CCDC180: variants seen among roughly 807,000 people sequenced by gnomAD.
CCDC180 encodes coiled-coil domain containing 180.
Under a neutral mutation model 209.2 loss-of-function variants are expected in CCDC180, and 154 were observed. That is an observed-to-expected ratio of 0.74 (90% confidence interval 0.65 to 0.84). CCDC180 has a LOEUF of 0.84. Ranked by LOEUF, CCDC180 falls within the 40% of genes least tolerant of loss-of-function variation. The pLI is 0.00. For synonymous variants in CCDC180, 778 were observed against 749.1 expected (o/e 1.04, Z -0.63); for missense variants, 1,874 against 1,997.3 (o/e 0.94, Z 1.18).
chr9:97,307,351 C>G (rs758863050), upstream of CCDC180: 1 of 483,804 alleles, frequency 2.1e-6, no homozygotes, highest in South Asian at 1.6e-5. Flanking sequence ...GTCGCTGGAC[C>G]GGCCCTGGCT....
chr9:97,370,456 C>G (rs1031841232), intron 32 of CCDC180, among the ~76,000 whole-genome samples, 185 bp from the exon 33 acceptor site: 1 of 152,020 alleles, frequency 6.6e-6, no homozygotes, highest in African/African-American at 2.4e-5. Context: ...CTCTTCCAAA[C>G]CCCCGAGTCA....
At chr9:97,342,832 G>A (rs1445214247) in intron 18 of CCDC180, among the ~76,000 whole-genome samples, 6 of 152,216 alleles carry the variant, frequency 3.9e-5, no homozygotes, top group Non-Finnish European at 7.3e-5. Context: ...GTGCAGGGAA[G>A]TAACTCTCAT....
intron 18 of CCDC180, among the ~76,000 whole-genome samples, chr9:97,341,807 T>C (rs1587812543): frequency 6.6e-6 from 1 of 152,204 alleles, no homozygotes; most frequent in Non-Finnish European, 1.5e-5. Context: ...CAGAGGCAGG[T>C]GGGCCTCGTT....
intron 34 of CCDC180, chr9:97,373,694 A>C (rs1028107969): frequency 2.0e-5 from 3 of 152,240 alleles, no homozygotes; most frequent in African/African-American, 7.2e-5. Flanking sequence ...CACTCCTGTA[A>C]TTGTGCTGAA....
intron 25 of CCDC180, among the ~76,000 whole-genome samples, chr9:97,359,724 A>C (rs4743083): frequency 0.21 from 32,100 of 151,942 alleles, 3,650 homozygotes; most frequent in East Asian, 0.39. Context: ...CAGAGTTGAA[A>C]CTGTAGATCC....
rs961145072 is a variant in CCDC180, at chr9:97,362,511, A to G, written c.3902+70A>G. 7 of 1,557,168 alleles carry G rather than the reference A, an allele frequency of 4.5e-6. No individual in the cohort carries two copies. In the African/African-American group the frequency reaches 9.5e-5, roughly 21 times the overall value. ...CCCACACAAAGGCAGGAGATGACCT[A>G]TGGCTTTCCCAGGCTTTTCCTCAGA... On this transcript the variant is annotated intron_variant, in intron 28 of 36. Coordinates refer to ENST00000529487, the MANE Select transcript of CCDC180 (RefSeq NM_020893.6).
chr9:97,336,244 A>G (rs1283482524), intron 18 of CCDC180, among the ~76,000 whole-genome samples: 3 of 152,210 alleles, frequency 2.0e-5, no homozygotes, highest in Admixed American at 1.3e-4. Context: ...GCCCATGCCT[A>G]TGTCCTGAAT....
Position 97,349,107 on chromosome 9 carries a change from TCAGCCGAGC to T in CCDC180, c.2675-3_2680del. ...GGGCCCCAGCTCTCTTAATCCTTTT[TCAGCCGAGC>T]TTTTGCTTCATCAAGAGCAGTTGGA... is the stretch of plus-strand genomic sequence containing the variant. On this transcript the variant is annotated splice_acceptor_variant and splice_polypyrimidine_tract_variant and coding_sequence_variant and intron_variant, in exon 21 of 37. Coordinates refer to ENST00000529487, the MANE Select transcript of CCDC180 (RefSeq NM_020893.6). LOFTEE classifies it high-confidence loss of function. 1 of 1,534,986 alleles carries T rather than the reference TCAGCCGAGC, an allele frequency of 6.5e-7. No homozygotes were observed. Among genetic ancestry groups the T allele is most frequent in the African/African-American group, 1.4e-5 (1 of 73,078 alleles).
chr9:97,344,547 C>T (rs1826192043), intron 19 of CCDC180, among the ~76,000 whole-genome samples: 3 of 152,152 alleles, frequency 2.0e-5, no homozygotes, highest in Admixed American at 2.0e-4. Context: ...AGTTACCATA[C>T]TTAACTCCAT....
chr9:97,351,207 G>A (rs934622678), intron 22 of CCDC180, among the ~76,000 whole-genome samples: 1 of 152,178 alleles, frequency 6.6e-6, no homozygotes, highest in Admixed American at 6.5e-5. Context: ...GTAATTCTAT[G>A]TTTAACTTTG....
intron 18 of CCDC180, among the ~76,000 whole-genome samples, chr9:97,333,432 A>G (rs1438061458): frequency 2.6e-5 from 4 of 151,378 alleles, no homozygotes; most frequent in Non-Finnish European, 4.4e-5. Context: ...GAATAGTTTC[A>G]GCAGAAGTGA....
At chr9:97,343,272 A>G in intron 18 of CCDC180, 68 bp from the exon 19 acceptor site, 1 of 1,059,444 alleles carries the variant, frequency 9.4e-7, no homozygotes, top group Admixed American at 2.0e-5. Flanking sequence ...ATATCAAGGA[A>G]CCTGTGGTTG....
intron 2 of CCDC180, 137 bp downstream of exon 2, chr9:97,308,269 T>C (rs1182364627): frequency 2.7e-6 from 2 of 743,174 alleles, no homozygotes; most frequent in Non-Finnish European, 4.0e-6. Flanking sequence ...TTAAAAATAA[T>C]TCTTGCTTGT....
chr9:97,378,453 C>T lies in CCDC180; in HGVS notation c.*1559C>T, dbSNP rs1827310769. ...AACACACGGTCCTTGCACACATACA[C>T]AACTTGAGACCAACAGGTCACAGGA... On this transcript the variant is annotated 3_prime_UTR_variant, in exon 37 of 37. Coordinates refer to ENST00000529487, the MANE Select transcript of CCDC180 (RefSeq NM_020893.6). 1 of 152,228 alleles carries T rather than the reference C, an allele frequency of 6.6e-6. No homozygotes were observed. The highest frequency in any genetic ancestry group is 2.4e-5 in the African/African-American group (1 of 41,452). 9.4% of individuals were successfully genotyped at this position (152,228 alleles called of 1,614,324 possible). A position where few individuals can be genotyped will look rare whatever the true frequency, so the allele number is the denominator to read the frequency against.
intron 36 of CCDC180, chr9:97,375,790 G>A: frequency 1.6e-6 from 1 of 644,444 alleles, no homozygotes; most frequent in East Asian, 2.8e-5. Flanking sequence ...TGGGTCTGAG[G>A]CGTGATCCCA....
At chr9:97,322,967 AC>A in intron 12 of CCDC180, 46 bp downstream of exon 12, 2 of 1,527,660 alleles carry the variant, frequency 1.3e-6, no homozygotes, top group Non-Finnish European at 1.8e-6. Flanking sequence ...CCTGGGCAGG[AC>A]CTGAAGTGCC....
intron 4 of CCDC180, 112 bp downstream of exon 4, chr9:97,312,313 T>G (rs1587778431): frequency 2.3e-6 from 2 of 868,166 alleles, no homozygotes; most frequent in East Asian, 2.6e-5. Context: ...GAGCTCCCAC[T>G]GTGTTCCTCG....
At chr9:97,348,747 C>T (rs1826342306) in intron 20 of CCDC180, among the ~76,000 whole-genome samples, 1 of 152,214 alleles carries the variant, frequency 6.6e-6, no homozygotes, top group African/African-American at 2.4e-5. Flanking sequence ...CAAACTCAGA[C>T]TGCTCAGTGC....
intron 29 of CCDC180, chr9:97,364,398 C>CT (rs1375317330): frequency 1.2e-4 from 48 of 393,762 alleles, no homozygotes; most frequent in East Asian, 4.1e-4. Flanking sequence ...GAGGTCTGAA[C>CT]TTTTTTTTGT....
Sources: allele counts gnomAD v4.1 joint callset (sites outside exome capture counted in the v4.1 genomes callset), GRCh38; gene constraint gnomAD v4.1.1; transcripts MANE v1.5; gene names NCBI Gene and HGNC (gene_info 2026-07-23, HGNC 2026-07-21).